Variants in NRG1 observed in about 807,000 individuals in gnomAD.
The protein encoded by NRG1 is pro-neuregulin-1, membrane-bound isoform.
In NRG1, 18 loss-of-function variants were observed where a neutral mutation model predicts 63.8. That is an observed-to-expected ratio of 0.28 (90% CI 0.19 to 0.42). The LOEUF (loss-of-function observed/expected upper bound fraction) is 0.42. NRG1 is among the 10% of genes least tolerant of loss of function. The pLI is 1.00. For missense variants in NRG1, 762 were observed against 814.7 expected, an observed-to-expected ratio of 0.94 and a Z score of 0.79; for synonymous variants, 302 against 301.3, an observed-to-expected ratio of 1.00 and a Z score of -0.02.
chr8:32,587,098 A>G (rs1188789343), intron 1 of NRG1, among the ~76,000 whole-genome samples: 1 of 152,100 alleles, frequency 6.6e-6, no homozygotes, highest in Admixed American at 6.6e-5. Flanking sequence ...GGTCCCAGCT[A>G]TGTGAGAGGC....
intron 1 of NRG1, among the ~76,000 whole-genome samples, chr8:32,512,894 C>A (rs1253076989): frequency 2.0e-5 from 3 of 152,062 alleles, no homozygotes; most frequent in Admixed American, 6.6e-5. Flanking sequence ...GAACAATAAC[C>A]CCATTCCTTT....
At chr8:31,704,921 TA>T (rs551456664) in intron 1 of NRG1, among the ~76,000 whole-genome samples, 169 of 152,030 alleles carry the variant, frequency 1.1e-3, no homozygotes, top group South Asian at 3.7e-3. Flanking sequence ...CAAAAGTAGA[TA>T]CATACATATT....
chr8:32,539,128 C>A (rs930766152), intron 1 of NRG1, among the ~76,000 whole-genome samples: 3 of 152,104 alleles, frequency 2.0e-5, no homozygotes, highest in African/African-American at 7.2e-5. Flanking sequence ...CCACAATGCA[C>A]AGGAGAAGAT....
At chr8:32,206,861 G>A (rs139712045) in intron 1 of NRG1, among the ~76,000 whole-genome samples, 1 of 152,234 alleles carries the variant, frequency 6.6e-6, no homozygotes. Flanking sequence ...TTATTTAGCA[G>A]CCACTTATAA....
At chr8:31,755,428 T>C (rs1467504694) in intron 1 of NRG1, among the ~76,000 whole-genome samples, 2 of 152,152 alleles carry the variant, frequency 1.3e-5, no homozygotes, top group African/African-American at 4.8e-5. Context: ...GTGTTTACTG[T>C]ACTGTGCTGT....
chr8:31,708,647 G>T (rs1026879275), intron 1 of NRG1, among the ~76,000 whole-genome samples: 1 of 151,504 alleles, frequency 6.6e-6, no homozygotes, highest in Non-Finnish European at 1.5e-5. Flanking sequence ...GGGTTTCACC[G>T]TTTTAGCCGG....
Position 32,412,452 on chromosome 8 carries a change from A to ATG in NRG1, c.38-183376_38-183375insTG, listed in dbSNP as rs1815203633. On this transcript the variant is annotated intron_variant, in intron 1 of 10. Transcript: ENST00000519301. ...TATATATATATATATATATATATATACATATATATATATATATATATATGA... is the reference window on the plus strand; with the variant it reads ...TATATATATATATATATATATATATATGCATATATATATATATATATATATGA... Among the ~76,000 whole-genome samples the ATG allele has an allele frequency of 3.7e-4, 8 of 21,564 alleles. 1 individual carries two copies. Among genetic ancestry groups the ATG allele is most frequent in the Non-Finnish European group, 1.2e-3 (8 of 6,684 alleles). The allele number at this position is 21,564 out of a possible 152,430, so 14.1% of individuals were successfully genotyped here.
intron 1 of NRG1, among the ~76,000 whole-genome samples, chr8:31,931,676 G>A (rs1199506280): frequency 1.3e-5 from 2 of 152,140 alleles, no homozygotes; most frequent in Non-Finnish European, 2.9e-5. Context: ...CCCAACTTGT[G>A]AAAGATTAAA....
At chr8:32,274,190 T>G (rs1298613042) in intron 1 of NRG1, among the ~76,000 whole-genome samples, 1 of 152,200 alleles carries the variant, frequency 6.6e-6, no homozygotes, top group Non-Finnish European at 1.5e-5. Context: ...CAAGAGCACC[T>G]TGCTGAATCC....
intron 1 of NRG1, among the ~76,000 whole-genome samples, chr8:32,459,725 G>A (rs74837751): frequency 0.053 from 8,026 of 152,086 alleles, 284 homozygotes; most frequent in Middle Eastern, 0.085. Context: ...GCCCCTATTT[G>A]ATCTTATTTC....
At position 32,548,846 on chromosome 8, in the gene NRG1, C is replaced by T. The variant is rs375033161; in HGVS notation, c.100+20C>T. ...GCCCAGGTGGGTGCGCAGCGCGGCC[C>T]GGGCCCCACGATCCTCCTCCTGCTC... On this transcript the variant is annotated intron_variant, in intron 1 of 11. Transcript: ENST00000356819. 1.8e-4 allele frequency: 285 copies of T among 1,542,986 alleles called. No homozygotes were observed. The highest frequency in any genetic ancestry group is 2.3e-4 in the Non-Finnish European group (265 of 1,146,794).
intron 5 of NRG1, among the ~76,000 whole-genome samples, chr8:32,635,945 G>A (rs565873182): frequency 1.3e-5 from 2 of 152,252 alleles, no homozygotes; most frequent in East Asian, 3.9e-4. Context: ...TGCCTTTGAT[G>A]TCAGTCAGTA....
intron 5 of NRG1, among the ~76,000 whole-genome samples, chr8:32,682,354 C>T (rs181739607): frequency 3.5e-4 from 53 of 152,224 alleles, no homozygotes; most frequent in African/African-American, 1.2e-3. Flanking sequence ...TGGTTGTAAT[C>T]ATCTGTCTTC....
intron 1 of NRG1, among the ~76,000 whole-genome samples, chr8:32,529,267 A>C (rs76393664): frequency 0.015 from 2,323 of 152,308 alleles, 29 homozygotes; most frequent in South Asian, 0.069. Flanking sequence ...AAAATATGGT[A>C]CACCTATGTA....
At chr8:32,299,275 CAGAAAG>C (rs1563287263) in intron 1 of NRG1, among the ~76,000 whole-genome samples, 1 of 152,034 alleles carries the variant, frequency 6.6e-6, no homozygotes, top group Non-Finnish European at 1.5e-5. Context: ...AAAATAAAAA[CAGAAAG>C]CAAAAACATG....
At chr8:31,660,859 A>G (rs1181404656) in intron 1 of NRG1, among the ~76,000 whole-genome samples, 4 of 152,254 alleles carry the variant, frequency 2.6e-5, no homozygotes, top group African/African-American at 4.8e-5. Context: ...GTCATTTTCT[A>G]TATTATTTGG....
chr8:32,023,346 A>C (rs1020366064), intron 1 of NRG1, among the ~76,000 whole-genome samples: 1 of 152,232 alleles, frequency 6.6e-6, no homozygotes, highest in Non-Finnish European at 1.5e-5. Flanking sequence ...AAATTCCACA[A>C]AAGTGGAATG....
intron 1 of NRG1, among the ~76,000 whole-genome samples, chr8:32,086,462 A>G (rs564252220): frequency 6.7e-6 from 1 of 149,732 alleles, no homozygotes; most frequent in South Asian, 2.1e-4. Context: ...AGCTCTGGGA[A>G]TGTGAGCATC....
At position 32,142,772 on chromosome 8, in the gene NRG1, A is replaced by G. The variant is rs572885589; in HGVS notation, c.38-453056A>G. 1.2e-4 allele frequency among the ~76,000 whole-genome samples: 18 copies of G among 152,348 alleles called. No individual in the cohort carries two copies. The South Asian group carries it at 3.5e-3, about 30-fold the overall frequency. The stretch of plus-strand genomic sequence containing the variant: ...CATTGTGAGAATTTGGTCTCTGACA[A>G]AGAAATAAATGTTTTAAAAATAGTG... On this transcript the variant is annotated intron_variant, in intron 1 of 10. Coordinates refer to the NRG1 transcript ENST00000519301.
Sources: allele counts gnomAD v4.1 joint callset (sites outside exome capture counted in the v4.1 genomes callset), GRCh38; gene constraint gnomAD v4.1.1; transcripts MANE v1.5; gene names NCBI Gene and HGNC (gene_info 2026-07-23, HGNC 2026-07-21).